Variants in NKAIN1 observed in about 807,000 individuals in gnomAD.
The protein encoded by NKAIN1 is sodium/potassium transporting ATPase interacting 1, also known as sodium/potassium-transporting ATPase subunit beta-1-interacting protein 1.
In NKAIN1, 13 loss-of-function variants were observed where a neutral mutation model predicts 31.6. The ratio of observed to expected loss-of-function variants is 0.41; its 90% CI spans 0.27 to 0.65. The LOEUF (loss-of-function observed/expected upper bound fraction) is 0.65. Among genes scored for constraint, NKAIN1 ranks in the 30% least tolerant of loss-of-function variants. NKAIN1 has a pLI of 0.30. For missense variants in NKAIN1, 193 were observed against 262.2 expected (o/e 0.74, Z 1.82); for synonymous variants, 104 against 109.0 (o/e 0.95, Z 0.28).
chr1:31,220,745 C>T (rs960525457), intron 1 of NKAIN1, among the ~76,000 whole-genome samples: 2 of 133,230 alleles, frequency 1.5e-5, no homozygotes, highest in African/African-American at 6.0e-5. Context: ...CAGAGTAAGA[C>T]TCCATCTCCA....
At chr1:31,222,776 G>T (rs951749740) in intron 1 of NKAIN1, among the ~76,000 whole-genome samples, 1 of 152,188 alleles carries the variant, frequency 6.6e-6, no homozygotes, top group Non-Finnish European at 1.5e-5. Flanking sequence ...CAAGGAGTTT[G>T]GAGTCCAAAA....
intron 1 of NKAIN1, among the ~76,000 whole-genome samples, chr1:31,197,150 C>T (rs1406214725): frequency 1.3e-4 from 19 of 149,784 alleles, no homozygotes; most frequent in Non-Finnish European, 1.5e-4. Context: ...CTCACTCTGC[C>T]GCCCAGGCTG....
At chr1:31,236,045 T>C (rs1645690233) in intron 1 of NKAIN1, among the ~76,000 whole-genome samples, 1 of 152,214 alleles carries the variant, frequency 6.6e-6, no homozygotes, top group Admixed American at 6.5e-5. Context: ...TTATATGGAC[T>C]GAGTCCTCAC....
At chr1:31,212,695 G>A (rs538563956) in intron 1 of NKAIN1, among the ~76,000 whole-genome samples, 9 of 149,594 alleles carry the variant, frequency 6.0e-5, no homozygotes, top group Admixed American at 5.3e-4. Flanking sequence ...GTGAGCCACC[G>A]CACCCAGCCA....
rs1215989445 is a variant in NKAIN1, at chr1:31,233,153, T to C, written c.54+6341A>G. 6.6e-6 allele frequency among the ~76,000 whole-genome samples: 1 copy of C among 152,176 alleles called. No individual in the cohort carries two copies. The highest frequency in any genetic ancestry group is 2.4e-5 in the African/African-American group (1 of 41,430). ...TTAGTAGAGATGCGGTTTCACCACA[T>C]TGGCCAGGCTGGTTTCGAACTCCTG... is the stretch of plus-strand genomic sequence containing the variant. On this transcript the variant is annotated intron_variant, in intron 1 of 6. Coordinates refer to ENST00000373736, the MANE Select transcript of NKAIN1 (RefSeq NM_024522.3). The surrounding 1 kb of genome is among the most constrained non-coding windows in gnomAD (Gnocchi z 4.0).
chr1:31,218,032 C>CTT (rs1553163609), intron 1 of NKAIN1, among the ~76,000 whole-genome samples: 4 of 98,900 alleles, frequency 4.0e-5, no homozygotes, highest in Admixed American at 1.1e-4. Context: ...TTCTTTCTTT[C>CTT]TTTCTTTCTT....
In NKAIN1 at chr1:31,182,543, C is replaced by T; in HGVS notation, c.519G>A (p.Glu173=). The change falls in exon 5 of 7, where the codon GAG becomes GAA. Residue 173 remains glutamate (E), a synonymous_variant. Transcript: ENST00000373736. ...CGCCTTACTCACAGCTGTCCTCCTCCTCCAGGAACACTTTGCTCACGTAGC... is the reference window on the plus strand; with the variant it reads ...CGCCTTACTCACAGCTGTCCTCCTCTTCCAGGAACACTTTGCTCACGTAGC... ...FACYVSKVFL[E]EEDSFDFIGG... 6.2e-7 allele frequency: 1 copy of T among 1,614,158 alleles called. No homozygotes were observed. Among genetic ancestry groups the T allele is most frequent in the Non-Finnish European group, 8.5e-7 (1 of 1,179,996 alleles).
At chr1:31,184,319 TCCA>T (rs1645226442) in intron 3 of NKAIN1, among the ~76,000 whole-genome samples, 1 of 152,100 alleles carries the variant, frequency 6.6e-6, no homozygotes, top group African/African-American at 2.4e-5. Flanking sequence ...ATTCAGTATC[TCCA>T]CTGCTCCCCC....
chr1:31,217,629 G>C (rs1341239167), intron 1 of NKAIN1, among the ~76,000 whole-genome samples: 1 of 152,160 alleles, frequency 6.6e-6, no homozygotes, highest in African/African-American at 2.4e-5. Context: ...CCACCCACTG[G>C]GGGATCTTAT....
intron 1 of NKAIN1, among the ~76,000 whole-genome samples, chr1:31,211,021 G>A (rs920416798): frequency 2.0e-5 from 3 of 152,158 alleles, no homozygotes; most frequent in African/African-American, 7.2e-5. Context: ...CTGGTGAAGG[G>A]CATCTACAGA....
chr1:31,211,976 A>G (rs531049990), intron 1 of NKAIN1, among the ~76,000 whole-genome samples: 1 of 152,170 alleles, frequency 6.6e-6, no homozygotes, highest in African/African-American at 2.4e-5. Flanking sequence ...ACAAAAATAT[A>G]TATATGGAGT....
At chr1:31,200,057 G>A (rs891555903) in intron 1 of NKAIN1, among the ~76,000 whole-genome samples, 10 of 135,282 alleles carry the variant, frequency 7.4e-5, no homozygotes, top group African/African-American at 1.3e-4. Flanking sequence ...GTGCACACAC[G>A]CACGCGCACG....
intron 5 of NKAIN1, 45 bp downstream of exon 5, chr1:31,182,485 G>A (rs1445251250): frequency 6.2e-7 from 1 of 1,608,510 alleles, no homozygotes; most frequent in African/African-American, 1.3e-5. Flanking sequence ...GGGTGCTGAA[G>A]GCGCAGGGCC....
intron 1 of NKAIN1, among the ~76,000 whole-genome samples, chr1:31,234,633 T>G (rs1009535396): frequency 6.6e-6 from 1 of 152,156 alleles, no homozygotes; most frequent in African/African-American, 2.4e-5. Context: ...AGTGAATGCG[T>G]GTGTCCAAGG....
rs1645480213 is a variant in NKAIN1 at position 31,212,728 on chromosome 1, C to T, written c.55-24541G>A. On this transcript the variant is annotated intron_variant, in intron 1 of 6. Transcript: ENST00000373736. ...CCATAAAAATAAGCTTGGCCAGGCC[C>T]GGTGGCTCAAGCCTGTAATCTCAGC... Among the ~76,000 whole-genome samples, 2 of 147,676 alleles carry T rather than the reference C, an allele frequency of 1.4e-5. 1 individual carries two copies. The highest frequency in any genetic ancestry group is 4.7e-4 in the South Asian group (2 of 4,230).
At chr1:31,205,475 A>G (rs182518859) in intron 1 of NKAIN1, among the ~76,000 whole-genome samples, 25 of 152,132 alleles carry the variant, frequency 1.6e-4, no homozygotes, top group Admixed American at 1.4e-3. Context: ...TGCCCAGATA[A>G]TTTTTGTATT....
chr1:31,210,941 A>C (rs2148359086), intron 1 of NKAIN1, among the ~76,000 whole-genome samples: 1 of 152,368 alleles, frequency 6.6e-6, no homozygotes, highest in Admixed American at 6.5e-5. Context: ...GGACAAAGGC[A>C]AAAGCAGACA....
intron 1 of NKAIN1, among the ~76,000 whole-genome samples, chr1:31,213,174 G>A (rs1645484120): frequency 6.6e-6 from 1 of 150,382 alleles, no homozygotes; most frequent in African/African-American, 2.4e-5. Flanking sequence ...ATGAGACAAT[G>A]TTTGCCAATC....
intron 1 of NKAIN1, among the ~76,000 whole-genome samples, chr1:31,195,627 AG>A (rs897698849): frequency 1.3e-5 from 2 of 152,110 alleles, no homozygotes; most frequent in Admixed American, 6.6e-5. Flanking sequence ...CATTAAAAAA[AG>A]AAAAAAAAAG....
Sources: gnomAD v4.1 joint callset for allele counts (sites outside exome capture counted in the v4.1 genomes callset) on GRCh38, gnomAD v4.1.1 for gene constraint, Gnocchi (gnomAD v3.1) non-coding constraint, MANE v1.5 for transcripts, NCBI Gene and HGNC (gene_info 2026-07-23, HGNC 2026-07-21) for gene names.